The following ZCCHC7 variants were observed in gnomAD, a reference collection of about 807,000 sequenced individuals.
ZCCHC7 encodes zinc finger CCHC domain-containing protein 7.
Under a neutral mutation model 52.0 loss-of-function variants are expected in ZCCHC7, and 35 were observed. The observed-to-expected ratio is 0.67, with a 90% CI of 0.51 to 0.89. The LOEUF (loss-of-function observed/expected upper bound fraction) is 0.89. Ranked by LOEUF, ZCCHC7 falls within the 40% of genes least tolerant of loss-of-function variation. The pLI is 0.00. For synonymous variants in ZCCHC7, 217 were observed against 221.5 expected, an observed-to-expected ratio of 0.98 and a Z score of 0.18; for missense variants, 574 against 649.1, an observed-to-expected ratio of 0.88 and a Z score of 1.26.
intron 2 of ZCCHC7, among the ~76,000 whole-genome samples, chr9:37,203,310 T>A (rs77165104): frequency 0.051 from 7,692 of 151,230 alleles, 633 homozygotes; most frequent in African/African-American, 0.17. Flanking sequence ...CTTTAAAAAA[T>A]TTTTTTTTTA....
At chr9:37,281,949 C>T (rs1314057579) in intron 2 of ZCCHC7, among the ~76,000 whole-genome samples, 1 of 152,156 alleles carries the variant, frequency 6.6e-6, no homozygotes, top group Non-Finnish European at 1.5e-5. Context: ...TAAAGACATG[C>T]ACTTTATTCC....
chr9:37,182,451 G>T (rs1236111778), intron 2 of ZCCHC7, among the ~76,000 whole-genome samples: 1 of 150,842 alleles, frequency 6.6e-6, no homozygotes, highest in Non-Finnish European at 1.5e-5. Context: ...TGCAGCCTCC[G>T]CCTCCCAGGT....
At chr9:37,316,996 A>G (rs1427524141) in intron 5 of ZCCHC7, among the ~76,000 whole-genome samples, 2 of 152,140 alleles carry the variant, frequency 1.3e-5, no homozygotes, top group Non-Finnish European at 2.9e-5. Flanking sequence ...AGAAAATAGG[A>G]AACTTGGGAA....
intron 2 of ZCCHC7, among the ~76,000 whole-genome samples, chr9:37,183,673 A>G (rs1260554660): frequency 6.6e-6 from 1 of 152,258 alleles, no homozygotes; most frequent in Non-Finnish European, 1.5e-5. Flanking sequence ...TTCAATGCTA[A>G]TAGCAAATAT....
intron 2 of ZCCHC7, among the ~76,000 whole-genome samples, chr9:37,229,481 A>G (rs1245888742): frequency 6.6e-6 from 1 of 152,188 alleles, no homozygotes; most frequent in African/African-American, 2.4e-5. Context: ...TAGGGTATGA[A>G]CTTGTACGGC....
intron 2 of ZCCHC7, among the ~76,000 whole-genome samples, chr9:37,165,453 T>C (rs1417971487): frequency 6.6e-6 from 1 of 152,202 alleles, no homozygotes; most frequent in African/African-American, 2.4e-5. Context: ...TGTAGGTTTT[T>C]TGTAGATACC....
At chr9:37,283,789 A>G (rs1828081861) in intron 2 of ZCCHC7, among the ~76,000 whole-genome samples, 1 of 152,206 alleles carries the variant, frequency 6.6e-6, no homozygotes. Flanking sequence ...TAGTCATCAA[A>G]ATAAACTCTG....
intron 6 of ZCCHC7, among the ~76,000 whole-genome samples, chr9:37,335,888 A>G (rs894484106): frequency 6.6e-6 from 1 of 152,210 alleles, no homozygotes; most frequent in African/African-American, 2.4e-5. Flanking sequence ...GAAAATACAT[A>G]TTAATAAATG....
intron 2 of ZCCHC7, among the ~76,000 whole-genome samples, chr9:37,197,516 C>G (rs892318856): frequency 1.3e-5 from 2 of 152,146 alleles, no homozygotes; most frequent in Non-Finnish European, 2.9e-5. Context: ...AGGAAAGGCA[C>G]AGTGAACTGT....
chr9:37,290,331 T>A (rs998765888), intron 2 of ZCCHC7, among the ~76,000 whole-genome samples: 1 of 151,708 alleles, frequency 6.6e-6, no homozygotes, highest in Admixed American at 6.6e-5. Flanking sequence ...AGTTTGAAAA[T>A]TTTTTTTTAT....
chr9:37,207,930 A>G (rs1824010652), intron 2 of ZCCHC7, among the ~76,000 whole-genome samples: 1 of 151,970 alleles, frequency 6.6e-6, no homozygotes, highest in Non-Finnish European at 1.5e-5. Context: ...ATCACTTTTT[A>G]TGACCGAGGT....
intron 2 of ZCCHC7, among the ~76,000 whole-genome samples, chr9:37,222,900 A>C (rs1824899751): frequency 1.3e-5 from 2 of 152,166 alleles, no homozygotes; most frequent in African/African-American, 4.8e-5. Flanking sequence ...TCCTAGAAGA[A>C]GGAACATAAG....
At chr9:37,199,145 T>C (rs1010419071) in intron 2 of ZCCHC7, among the ~76,000 whole-genome samples, 2 of 152,188 alleles carry the variant, frequency 1.3e-5, no homozygotes, top group Non-Finnish European at 1.5e-5. Context: ...CCCCAGATGA[T>C]ACTATTTTTC....
intron 2 of ZCCHC7, among the ~76,000 whole-genome samples, chr9:37,156,002 C>T (rs888434852): frequency 4.6e-5 from 7 of 152,364 alleles, no homozygotes; most frequent in South Asian, 2.1e-4. Context: ...GTGACCCCAG[C>T]GTTCCTATGC....
At chr9:37,157,369 A>C (rs1434818672) in intron 2 of ZCCHC7, among the ~76,000 whole-genome samples, 1 of 152,068 alleles carries the variant, frequency 6.6e-6, no homozygotes, top group Non-Finnish European at 1.5e-5. Flanking sequence ...GCTTGCCTGT[A>C]GTCCCAGCTA....
At chr9:37,250,696 A>G (rs769314657) in intron 2 of ZCCHC7, among the ~76,000 whole-genome samples, 9 of 152,200 alleles carry the variant, frequency 5.9e-5, no homozygotes, top group Non-Finnish European at 1.2e-4. Flanking sequence ...TAAGTAGCTC[A>G]GAATAGAGTT....
chr9:37,228,657 C>T lies in ZCCHC7; in HGVS notation c.611-73531C>T, dbSNP rs111797501. On this transcript the variant is annotated intron_variant, in intron 2 of 8. Coordinates refer to ENST00000336755, the MANE Select transcript of ZCCHC7 (RefSeq NM_032226.3). ...GTGCTGTGATTACTGGTGTGAGCCCCTGTTTCTGGCCTGATTTTTAAAATC... is the reference window on the plus strand; with the variant it reads ...GTGCTGTGATTACTGGTGTGAGCCCTTGTTTCTGGCCTGATTTTTAAAATC... Among the ~76,000 whole-genome samples the T allele has an allele frequency of 5.9e-5, 9 of 151,558 alleles. 1 individual carries two copies. The highest frequency in any genetic ancestry group is 1.9e-4 in the African/African-American group (8 of 41,302).
At chr9:37,257,053 AAGG>A (rs1450335373) in intron 2 of ZCCHC7, among the ~76,000 whole-genome samples, 11 of 152,224 alleles carry the variant, frequency 7.2e-5, no homozygotes, top group Non-Finnish European at 1.5e-5. Flanking sequence ...AGTAGTTTTC[AAGG>A]TGGCTTTGAA....
At position 37,354,622 on chromosome 9, in the gene ZCCHC7, A is replaced by G. The variant is rs1046242752; in HGVS notation, c.1084-88A>G. On this transcript the variant is annotated intron_variant, in intron 7 of 8. Coordinates refer to ENST00000336755, the MANE Select transcript of ZCCHC7 (RefSeq NM_032226.3). The surrounding 1 kb of genome is among the most constrained non-coding windows in gnomAD (Gnocchi z 4.0). ...ATGAGGTACCAGTGACATGGGGCTC[A>G]TTTCTAATTAACATGCTCCAGAATC... is the stretch of plus-strand genomic sequence containing the variant. The G allele has an allele frequency of 1.2e-5, 11 of 919,302 alleles. No individual in the cohort carries two copies. In the Admixed American group the frequency reaches 1.3e-4, roughly 11 times the overall value. The allele number at this position is 919,302 out of a possible 1,614,324, so 56.9% of individuals were successfully genotyped here.
Sources: allele counts gnomAD v4.1 joint callset (sites outside exome capture counted in the v4.1 genomes callset), GRCh38; gene constraint gnomAD v4.1.1; non-coding constraint Gnocchi (gnomAD v3.1); transcripts MANE v1.5; gene names NCBI Gene and HGNC (gene_info 2026-07-23, HGNC 2026-07-21).